The following STK32B variants were observed in gnomAD, a reference collection of about 807,000 sequenced individuals.
The protein encoded by STK32B is serine/threonine kinase 32B.
A neutral mutation model predicts 52.6 loss-of-function variants in STK32B; 43 were observed. The observed-to-expected ratio is 0.82, with a 90% CI of 0.64 to 1.05. The LOEUF is 1.05. STK32B is among the 50% of genes least tolerant of loss of function. The pLI is 0.00. For synonymous variants in STK32B, 238 were observed against 204.3 expected (o/e 1.17, Z -1.41); for missense variants, 621 against 534.6 (o/e 1.16, Z -1.59).
At chr4:5,425,456 CCATTCATTCATT>C (rs35251788) in intron 6 of STK32B, among the ~76,000 whole-genome samples, 6 of 151,578 alleles carry the variant, frequency 4.0e-5, no homozygotes, top group African/African-American at 9.7e-5. Flanking sequence ...TTCCTGAGAA[CCATTCATTCATT>C]CATTCATTCA....
chr4:5,463,539 T>C (rs902871107), intron 9 of STK32B, among the ~76,000 whole-genome samples: 3 of 151,948 alleles, frequency 2.0e-5, no homozygotes, highest in African/African-American at 7.2e-5. Context: ...TATGCACACG[T>C]GCCCCCACAC....
At chr4:5,169,185 G>A (rs1719132655) in intron 3 of STK32B, among the ~76,000 whole-genome samples, 1 of 152,136 alleles carries the variant, frequency 6.6e-6, no homozygotes, top group South Asian at 2.1e-4. Flanking sequence ...TCCTGTGTTT[G>A]ACCTAATGCC....
At chr4:5,148,236 G>T (rs976141239) in intron 2 of STK32B, among the ~76,000 whole-genome samples, 1 of 151,628 alleles carries the variant, frequency 6.6e-6, no homozygotes, top group African/African-American at 2.4e-5. Flanking sequence ...AGTGTCTGTG[G>T]TTGTAACTTC....
intron 3 of STK32B, among the ~76,000 whole-genome samples, chr4:5,237,304 G>C (rs1274725755): frequency 6.6e-6 from 1 of 152,212 alleles, no homozygotes; most frequent in East Asian, 1.9e-4. Context: ...CATTGTGATT[G>C]ACAGCTGCCT....
At chr4:5,257,335 G>A (rs1027800429) in intron 3 of STK32B, among the ~76,000 whole-genome samples, 2 of 152,170 alleles carry the variant, frequency 1.3e-5, no homozygotes, top group Non-Finnish European at 2.9e-5. Flanking sequence ...AAGTGAATGA[G>A]TGAGCAAGTA....
At chr4:5,198,833 C>T (rs1018552345) in intron 3 of STK32B, among the ~76,000 whole-genome samples, 17 of 152,152 alleles carry the variant, frequency 1.1e-4, no homozygotes, top group African/African-American at 3.4e-4. Context: ...GGTTGTGTGG[C>T]AGTCACAATG....
At chr4:5,101,081 C>CACTGTGTTGCCCAAGCTGCTCTCA (rs1025395434) in intron 1 of STK32B, among the ~76,000 whole-genome samples, 3 of 152,020 alleles carry the variant, frequency 2.0e-5, no homozygotes, top group Admixed American at 6.6e-5. Context: ...CTGGGGGTCT[C>CACTGTGTTGCCCAAGCTGCTCTCA]ACTGTGTTGC....
chr4:5,334,604 G>C (rs867133164), intron 4 of STK32B, among the ~76,000 whole-genome samples: 51 of 151,092 alleles, frequency 3.4e-4, no homozygotes, highest in Middle Eastern at 3.4e-3. Context: ...TATGATATTG[G>C]CTGTGGGTTT....
At chr4:5,267,714 A>G (rs1727147173) in intron 3 of STK32B, among the ~76,000 whole-genome samples, 1 of 152,224 alleles carries the variant, frequency 6.6e-6, no homozygotes, top group South Asian at 2.1e-4. Context: ...TAGAGAGAGA[A>G]CAAATTACCC....
chr4:5,361,237 G>C (rs2108998896), intron 4 of STK32B, among the ~76,000 whole-genome samples: 1 of 152,294 alleles, frequency 6.6e-6, no homozygotes, highest in South Asian at 2.1e-4. Flanking sequence ...CACTTGGCTT[G>C]CTCCCACCTT....
At chr4:5,477,925 C>T (rs992109099) in intron 11 of STK32B, among the ~76,000 whole-genome samples, 1 of 152,134 alleles carries the variant, frequency 6.6e-6, no homozygotes, top group Non-Finnish European at 1.5e-5. Context: ...TGCCCCCACC[C>T]ACACCAAGAA....
At chr4:5,257,534 T>C (rs1451351751) in intron 3 of STK32B, among the ~76,000 whole-genome samples, 1 of 152,220 alleles carries the variant, frequency 6.6e-6, no homozygotes, top group Non-Finnish European at 1.5e-5. Context: ...GTCTTCTTGC[T>C]TCTACCCTTG....
chr4:5,229,222 G>GTT (rs3072782), intron 3 of STK32B, among the ~76,000 whole-genome samples: 89,563 of 148,110 alleles, frequency 0.6, 27,014 homozygotes, highest in East Asian at 0.71. Flanking sequence ...TCTATATTTA[G>GTT]TTTTTTTTTT....
intron 3 of STK32B, among the ~76,000 whole-genome samples, chr4:5,231,828 C>T (rs1030617106): frequency 1.3e-5 from 2 of 151,960 alleles, no homozygotes; most frequent in African/African-American, 2.4e-5. Context: ...AGATCAATAG[C>T]CCAGGAGGAT....
chr4:5,229,898 A>G (rs1724135175), intron 3 of STK32B, among the ~76,000 whole-genome samples: 1 of 152,156 alleles, frequency 6.6e-6, no homozygotes. Flanking sequence ...GTTACACTGA[A>G]GATGGCTAAT....
At chr4:5,461,507 GCA>G (rs936395154) in intron 9 of STK32B, among the ~76,000 whole-genome samples, 1 of 152,152 alleles carries the variant, frequency 6.6e-6, no homozygotes, top group African/African-American at 2.4e-5. Context: ...CAGCGCACAC[GCA>G]CGTTTCTGAA....
chr4:5,089,198 T>C (rs186541402), intron 1 of STK32B, among the ~76,000 whole-genome samples: 1 of 151,060 alleles, frequency 6.6e-6, no homozygotes, highest in Admixed American at 6.6e-5. Flanking sequence ...CAAGATCTAA[T>C]AGACAAATTT....
At position 5,331,232 on chromosome 4, in the gene STK32B, G is replaced by C; in HGVS notation, c.273G>C (p.Gln91His). ...PFLVNLWYSF[Q>H]DEEDMFMVVD... is the part of the protein sequence containing the mutation. ...TCTGTGCTCCTAGGTACTCCTTCCA[G>C]GATGAGGAGGACATGTTCATGGTGG... The change falls in exon 4 of 12, where the codon CAG (glutamine) becomes CAC (histidine). Residue 91 changes from glutamine (Q) to histidine (H), a missense_variant. Gln to His is a conservative substitution (Grantham distance 24, BLOSUM62 0). Coordinates refer to ENST00000282908, the MANE Select transcript of STK32B (RefSeq NM_018401.3). The C allele has an allele frequency of 6.2e-7, 1 of 1,612,832 alleles. No individual in the cohort carries two copies. Among genetic ancestry groups the C allele is most frequent in the Non-Finnish European group, 8.5e-7 (1 of 1,179,352 alleles).
chr4:5,249,429 T>TCCTA (rs1476593559), intron 3 of STK32B, among the ~76,000 whole-genome samples: 2 of 94,226 alleles, frequency 2.1e-5, no homozygotes, highest in Non-Finnish European at 4.6e-5. Context: ...TGTTCTTCCT[T>TCCTA]CCTTCCTACC....
Sources: gnomAD v4.1 joint callset for allele counts (sites outside exome capture counted in the v4.1 genomes callset) on GRCh38, gnomAD v4.1.1 for gene constraint, MANE v1.5 for transcripts, NCBI Gene and HGNC (gene_info 2026-07-23, HGNC 2026-07-21) for gene names.